PSG3: variants seen among roughly 807,000 people sequenced by gnomAD.
PSG3 encodes the protein pregnancy-specific beta-1-glycoprotein 3.
In PSG3, 61 loss-of-function variants were observed where a neutral mutation model predicts 47.5. That is an observed-to-expected ratio of 1.28 (90% CI 1.05 to 1.59). The LOEUF is 1.59. Ranked by LOEUF, PSG3 falls within the 40% of genes most tolerant of loss-of-function variation. PSG3 has a pLI of 0.00. For synonymous variants in PSG3, 263 were observed against 198.4 expected (o/e 1.33, Z -2.74); for missense variants, 756 against 524.0 (o/e 1.44, Z -4.32).
At chr19:42,730,927 C>T (rs1969462943) in intron 3 of PSG3, among the ~76,000 whole-genome samples, 1 of 152,210 alleles carries the variant, frequency 6.6e-6, no homozygotes, top group African/African-American at 2.4e-5. Flanking sequence ...AAATCTGGTC[C>T]TCATGGACCA....
intron 5 of PSG3, 113 bp downstream of exon 5, chr19:42,729,010 G>T: frequency 6.3e-7 from 1 of 1,590,376 alleles, no homozygotes; most frequent in Non-Finnish European, 8.5e-7. Context: ...TTTGGGATTT[G>T]CTTGTGCCCA....
intron 2 of PSG3, chr19:42,733,660 C>A (rs1302637646): frequency 6.4e-6 from 1 of 157,014 alleles, no homozygotes; most frequent in Non-Finnish European, 1.4e-5. Context: ...GCAGTTTTCC[C>A]AGGTGTCTCA....
At chr19:42,739,143 A>T in intron 1 of PSG3, 54 bp from the exon 2 acceptor site, 1 of 1,548,798 alleles carries the variant, frequency 6.5e-7, no homozygotes, top group Non-Finnish European at 8.8e-7. Flanking sequence ...TTGGGGTGAA[A>T]AGATGTGGCC....
At chr19:42,731,726 C>T (rs1210551438) in intron 3 of PSG3, among the ~76,000 whole-genome samples, 1 of 151,560 alleles carries the variant, frequency 6.6e-6, no homozygotes, top group Non-Finnish European at 1.5e-5. Context: ...TATTATCTTT[C>T]TAACAATATT....
chr19:42,725,002 C>A (rs990327342), intron 5 of PSG3, among the ~76,000 whole-genome samples: 7 of 152,084 alleles, frequency 4.6e-5, no homozygotes, highest in Non-Finnish European at 1.0e-4. Flanking sequence ...GACATTATTT[C>A]CATTTTGCCG....
intron 2 of PSG3, among the ~76,000 whole-genome samples, chr19:42,735,210 G>A (rs1004409798): frequency 1.3e-5 from 2 of 152,154 alleles, no homozygotes; most frequent in Admixed American, 1.3e-4. Flanking sequence ...TATTAAATAT[G>A]AAGTTGAAAT....
In PSG3 at chr19:42,732,792, T is replaced by A. The variant is rs1372479408; in HGVS notation, c.701A>T (p.Asn234Ile). ...SASRSDPVTL[N>I]LLPKLPKPYI... ...GAACAGGAGATACTCACGGAGGAGA[T>A]TCAGGGTGACTGGGTCACTGCGGCT... is the stretch of plus-strand genomic sequence containing the variant. The change falls in exon 3 of 7, where the codon AAT becomes ATT. Residue 234 changes from asparagine (N) to isoleucine (I), a missense_variant. Transcript: ENST00000327495. The A allele has an allele frequency of 6.2e-7, 1 of 1,614,052 alleles. No homozygotes were observed. The highest frequency in any genetic ancestry group is 1.1e-5 in the South Asian group (1 of 91,070).
At chr19:42,730,968 G>A (rs1296275878) in intron 3 of PSG3, among the ~76,000 whole-genome samples, 2 of 152,216 alleles carry the variant, frequency 1.3e-5, no homozygotes, top group Admixed American at 1.3e-4. Context: ...GACAAATTTG[G>A]AGAGAAGTTT....
At chr19:42,722,462 G>A (rs183282029) in intron 6 of PSG3, among the ~76,000 whole-genome samples, 24 of 152,236 alleles carry the variant, frequency 1.6e-4, no homozygotes, top group Admixed American at 8.5e-4. Flanking sequence ...CACCGTGTTA[G>A]CCAGGATGGT....
chr19:42,722,012 T>TC lies in PSG3; in HGVS notation c.*118dup, dbSNP rs1163319890. 2.4e-5 allele frequency: 10 copies of TC among 416,520 alleles called. No individual in the cohort carries two copies. Among genetic ancestry groups the TC allele is most frequent in the Non-Finnish European group, 2.6e-5 (6 of 227,156 alleles). The allele number at this position is 416,520 out of a possible 1,614,324, so 25.8% of individuals were successfully genotyped here. A position where few individuals can be genotyped will look rare whatever the true frequency, so the allele number is the denominator to read the frequency against. On this transcript the variant is annotated 3_prime_UTR_variant, in exon 7 of 7. Coordinates refer to ENST00000327495, the MANE Select transcript of PSG3 (RefSeq NM_021016.4). ...TTCAAGAGTCCTTGTCAGAGTCTTT[T>TC]CATAAATCTCCTTGAACAAAAAGCA...
chr19:42,732,937 T>C lies in PSG3; in HGVS notation c.556A>G (p.Ser186Gly). Residue 186 changes from serine (S) to glycine (G), a missense_variant, in exon 3 of 7, where the codon AGC (serine) becomes GGC (glycine). By Grantham distance (56) the Ser-to-Gly change is moderately conservative. Coordinates refer to ENST00000327495, the MANE Select transcript of PSG3 (RefSeq NM_021016.4). ...TGCAAGCTGTGAGTCATAGGGAGGCTCTGACCATTCATCCACCACAGGTAG... is the reference window on the plus strand; with the variant it reads ...TGCAAGCTGTGAGTCATAGGGAGGCCCTGACCATTCATCCACCACAGGTAG... ...ASYLWWMNGQ[S>G]LPMTHSLQLS... 3.1e-6 allele frequency: 5 copies of C among 1,614,112 alleles called. No homozygotes were observed. Among genetic ancestry groups the C allele is most frequent in the African/African-American group, 1.3e-5 (1 of 75,034 alleles).
rs767804998 is a variant in PSG3 at position 42,730,001 on chromosome 19, C to G, written c.765G>C (p.Lys255Asn). The G allele has an allele frequency of 1.2e-6, 2 of 1,612,470 alleles. No individual in the cohort carries two copies. The highest frequency in any genetic ancestry group is 3.3e-5 in the Admixed American group (2 of 60,012). Residue 255 changes from lysine (K) to asparagine (N), a missense_variant, in exon 4 of 7, where the codon AAG (lysine) becomes AAC (asparagine). Lys to Asn is a moderately conservative substitution (Grantham distance 94, BLOSUM62 0). Coordinates refer to ENST00000327495, the MANE Select transcript of PSG3 (RefSeq NM_021016.4). ...GTTCACAGGTGAAGGCTAAGACATC[C>G]TTATTCTCCCTGGGGTTTAAGTTGT... The part of the protein sequence containing the change: ...TINNLNPREN[K>N]DVLAFTCEPK...
rs1339115914 is a variant in PSG3 at position 42,732,774 on chromosome 19, A to G, written c.709+10T>C. 4 of 1,614,162 alleles carry G rather than the reference A, an allele frequency of 2.5e-6. No individual in the cohort carries two copies. Among genetic ancestry groups the G allele is most frequent in the Admixed American group, 1.7e-5 (1 of 60,020 alleles). ...GCAGACTGGCTCACAGAGGAACAGG[A>G]GATACTCACGGAGGAGATTCAGGGT... On this transcript the variant is annotated intron_variant, in intron 3 of 6. Coordinates refer to ENST00000327495, the MANE Select transcript of PSG3 (RefSeq NM_021016.4).
chr19:42,738,178 G>C (rs1437985234), intron 2 of PSG3, among the ~76,000 whole-genome samples: 1 of 152,250 alleles, frequency 6.6e-6, no homozygotes, highest in Non-Finnish European at 1.5e-5. Flanking sequence ...ATGAGGCTCT[G>C]AGGGCTGAGC....
At chr19:42,722,575 A>T (rs908115184) in intron 6 of PSG3, among the ~76,000 whole-genome samples, 1 of 152,208 alleles carries the variant, frequency 6.6e-6, no homozygotes, top group East Asian at 1.9e-4. Context: ...TATTATTAAC[A>T]TTCCCATAAA....
intron 2 of PSG3, among the ~76,000 whole-genome samples, chr19:42,735,207 T>G (rs952951611): frequency 6.6e-6 from 1 of 152,198 alleles, no homozygotes; most frequent in Non-Finnish European, 1.5e-5. Context: ...AAATATTAAA[T>G]ATGAAGTTGA....
chr19:42,730,447 A>C (rs4030923), intron 3 of PSG3, among the ~76,000 whole-genome samples: 24 of 152,306 alleles, frequency 1.6e-4, no homozygotes, highest in East Asian at 5.8e-4. Context: ...CTTTGCCCCC[A>C]TAGATGTGAT....
intron 4 of PSG3, 22 bp downstream of exon 4, chr19:42,729,756 C>A: frequency 6.2e-7 from 1 of 1,602,424 alleles, no homozygotes; most frequent in Non-Finnish European, 8.5e-7. Context: ...TCCTGGCCCA[C>A]AGAGGAACAA....
intron 2 of PSG3, chr19:42,733,661 A>T (rs919404168): frequency 1.0e-4 from 16 of 157,204 alleles, no homozygotes; most frequent in Non-Finnish European, 2.1e-4. Context: ...CAGTTTTCCC[A>T]GGTGTCTCAT....
Sources: gnomAD v4.1 joint callset for allele counts (sites outside exome capture counted in the v4.1 genomes callset) on GRCh38, gnomAD v4.1.1 for gene constraint, MANE v1.5 for transcripts, NCBI Gene and HGNC (gene_info 2026-07-23, HGNC 2026-07-21) for gene names.